Variants in SLC8A1 observed in about 807,000 individuals in gnomAD.
SLC8A1 encodes the protein sodium/calcium exchanger 1.
In SLC8A1, 18 loss-of-function variants were observed where a neutral mutation model predicts 68.3. The observed-to-expected ratio is 0.26, with a 90% CI of 0.18 to 0.39. The LOEUF (loss-of-function observed/expected upper bound fraction) is 0.39. Among genes scored for constraint, SLC8A1 ranks in the 10% least tolerant of loss-of-function variants. The probability of loss-of-function intolerance (pLI) is 1.00; values close to 1 mark genes in which losing one functional copy is unlikely to be tolerated. For missense variants in SLC8A1, 985 were observed against 1,156.7 expected, an observed-to-expected ratio of 0.85 and a Z score of 2.15; for synonymous variants, 475 against 415.5, an observed-to-expected ratio of 1.14 and a Z score of -1.74.
At chr2:40,328,986 T>G (rs1276699714) in intron 2 of SLC8A1, among the ~76,000 whole-genome samples, 1 of 151,682 alleles carries the variant, frequency 6.6e-6, no homozygotes, top group East Asian at 1.9e-4. Flanking sequence ...CCAGACACAT[T>G]AATGTATCCC....
intron 4 of SLC8A1, among the ~76,000 whole-genome samples, chr2:40,167,951 C>A (rs1049192859): frequency 2.6e-5 from 4 of 152,086 alleles, no homozygotes; most frequent in African/African-American, 9.7e-5. Flanking sequence ...CCTCTGGCAC[C>A]TATTACAATA....
At chr2:40,150,051 TA>T (rs56010293) in intron 6 of SLC8A1, among the ~76,000 whole-genome samples, 31,522 of 121,486 alleles carry the variant, frequency 0.26, 4,159 homozygotes, top group East Asian at 0.6. Context: ...TCTTATTTGT[TA>T]AAAAAAAAAA....
intron 5 of SLC8A1, 39 bp downstream of exon 8, chr2:40,164,815 G>A (rs1206861664): frequency 1.2e-6 from 2 of 1,610,754 alleles, no homozygotes; most frequent in East Asian, 4.5e-5. Context: ...CTGTCCCAAG[G>A]TGAGACTGGC....
chr2:40,255,860 C>CA (rs2063827785), intron 2 of SLC8A1, among the ~76,000 whole-genome samples: 1 of 152,078 alleles, frequency 6.6e-6, no homozygotes, highest in Admixed American at 6.6e-5. Context: ...ACCCTGAGCC[C>CA]AAGAAACTTC....
chr2:40,389,184 C>T (rs539293174), intron 2 of SLC8A1, among the ~76,000 whole-genome samples: 2 of 152,064 alleles, frequency 1.3e-5, no homozygotes, highest in East Asian at 1.9e-4. Context: ...TATTTATAGG[C>T]GTATTTAACA....
intron 2 of SLC8A1, among the ~76,000 whole-genome samples, chr2:40,309,990 C>T (rs965220037): frequency 5.3e-5 from 8 of 152,152 alleles, no homozygotes; most frequent in African/African-American, 1.7e-4. Flanking sequence ...TTTCCCTTCC[C>T]CTCAGCCCCT....
chr2:40,215,529 C>T (rs559569648), intron 2 of SLC8A1, among the ~76,000 whole-genome samples: 7 of 150,426 alleles, frequency 4.7e-5, no homozygotes, highest in South Asian at 4.2e-4. Flanking sequence ...CCCAGCTACT[C>T]GGGAGGCTGA....
intron 6 of SLC8A1, among the ~76,000 whole-genome samples, chr2:40,158,914 C>G (rs1324637215): frequency 6.6e-6 from 1 of 152,172 alleles, no homozygotes; most frequent in Non-Finnish European, 1.5e-5. Context: ...TATACCTATT[C>G]TCACCAGAAT....
At chr2:40,233,164 G>A (rs1295868380) in intron 2 of SLC8A1, among the ~76,000 whole-genome samples, 1 of 152,120 alleles carries the variant, frequency 6.6e-6, no homozygotes, top group African/African-American at 2.4e-5. Context: ...GATCCCTGAG[G>A]AATGGCCACA....
chr2:40,493,298 G>A (rs1167924259), intron 1 of SLC8A1, among the ~76,000 whole-genome samples: 7 of 133,034 alleles, frequency 5.3e-5, no homozygotes, highest in Non-Finnish European at 7.8e-5. Context: ...TGAACAATGA[G>A]AACACATGGA....
At chr2:40,310,925 G>A (rs555196236) in intron 2 of SLC8A1, among the ~76,000 whole-genome samples, 1 of 152,220 alleles carries the variant, frequency 6.6e-6, no homozygotes, top group South Asian at 2.1e-4. Flanking sequence ...TAAAAGAAAA[G>A]TTTGATGTTC....
chr2:40,211,263 G>C (rs1385909495), intron 2 of SLC8A1, among the ~76,000 whole-genome samples: 8 of 152,140 alleles, frequency 5.3e-5, no homozygotes, highest in Non-Finnish European at 1.2e-4. Flanking sequence ...AACTACACTA[G>C]TTCTTCCTAT....
chr2:40,367,242 T>C (rs927413295), intron 2 of SLC8A1, among the ~76,000 whole-genome samples: 1 of 152,000 alleles, frequency 6.6e-6, no homozygotes, highest in African/African-American at 2.4e-5. Flanking sequence ...AGTCTCTGCT[T>C]CCATTTGTCT....
intron 2 of SLC8A1, among the ~76,000 whole-genome samples, chr2:40,244,537 G>A (rs1217791211): frequency 6.9e-6 from 1 of 144,280 alleles, no homozygotes; most frequent in Non-Finnish European, 1.5e-5. Context: ...GAGCTGAGTA[G>A]GCAAGTGGTG....
chr2:40,152,218 A>T (rs540857544), intron 6 of SLC8A1, among the ~76,000 whole-genome samples: 1 of 152,196 alleles, frequency 6.6e-6, no homozygotes. Context: ...TATTTCTTGA[A>T]AGGTACTTGA....
intron 4 of SLC8A1, 101 bp downstream of exon 7, chr2:40,170,180 G>A: frequency 1.9e-6 from 2 of 1,029,952 alleles, no homozygotes; most frequent in Non-Finnish European, 3.0e-6. Flanking sequence ...ATTTAGCAAT[G>A]TTTTACAGAG....
chr2:40,244,571 A>C (rs199565512), intron 2 of SLC8A1, among the ~76,000 whole-genome samples: 1 of 45,466 alleles, frequency 2.2e-5, no homozygotes, highest in African/African-American at 5.0e-5. Flanking sequence ...AAACCAAAAA[A>C]AAAAAAAAAA....
In SLC8A1 at chr2:40,132,771, G is replaced by A. The variant is rs956963425; in HGVS notation, c.2437+6630C>T. On this transcript the variant is annotated intron_variant, in intron 7 of 7. Transcript: ENST00000406785. ...GATCTAAGCGTCAAAAAAAATAAAG[G>A]TTGAAAGGAGGCAAAATCAGTTCAC... 5.3e-5 allele frequency among the ~76,000 whole-genome samples: 8 copies of A among 152,092 alleles called. No individual in the cohort carries two copies. In the East Asian group the frequency reaches 1.4e-3, roughly 26 times the overall value.
chr2:40,357,418 G>C (rs978204542), intron 2 of SLC8A1, among the ~76,000 whole-genome samples: 1 of 149,260 alleles, frequency 6.7e-6, no homozygotes, highest in Non-Finnish European at 1.5e-5. Context: ...GATTGCTTGA[G>C]CCCAGGAGGT....
Sources: gnomAD v4.1 joint callset for allele counts (sites outside exome capture counted in the v4.1 genomes callset) on GRCh38, gnomAD v4.1.1 for gene constraint, MANE v1.5 for transcripts, NCBI Gene and HGNC (gene_info 2026-07-23, HGNC 2026-07-21) for gene names.